PDCD2L: variants seen among roughly 807,000 people sequenced by gnomAD.
PDCD2L encodes uS5 assembly chaperone PDCD2L.
A neutral mutation model predicts 40.4 loss-of-function variants in PDCD2L; 44 were observed. That is an observed-to-expected ratio of 1.09 (90% confidence interval 0.86 to 1.40). The LOEUF is 1.40. Among genes scored for constraint, PDCD2L ranks in the 40% most tolerant of loss-of-function variants. The pLI, the probability that PDCD2L is intolerant of heterozygous loss-of-function variation, is 0.00. For synonymous variants in PDCD2L, 194 were observed against 174.6 expected, an observed-to-expected ratio of 1.11 and a Z score of -0.88; for missense variants, 470 against 453.7, an observed-to-expected ratio of 1.04 and a Z score of -0.33.
intron 3 of PDCD2L, among the ~76,000 whole-genome samples, chr19:34,405,701 G>C (rs1041933709): frequency 1.3e-5 from 2 of 150,732 alleles, no homozygotes; most frequent in African/African-American, 4.9e-5. Flanking sequence ...AGAAGTTCGA[G>C]ACCAGCCTGG....
In PDCD2L at chr19:34,421,651, CAA is replaced by C; in HGVS notation, c.931_932del (p.Lys311GlufsTer3). The C allele has an allele frequency of 6.2e-7, 1 of 1,613,110 alleles. No homozygotes were observed. Among genetic ancestry groups the C allele is most frequent in the Non-Finnish European group, 8.5e-7 (1 of 1,179,550 alleles). Reference protein sequence around the residue: ...QLMPALVSMLKSANLGLSVEF... With the variant: ...QLMPALVSMLXSANLGLSVEF... ...TTATGCCAGCACTGGTCAGCATGCT[CAA>C]GAGTGCTAATTTAGGTGAGAAGCCC... is the stretch of plus-strand genomic sequence containing the variant. On this transcript the variant is annotated frameshift_variant, in exon 6 of 7. Coordinates refer to ENST00000246535, the MANE Select transcript of PDCD2L (RefSeq NM_032346.2). LOFTEE classifies it high-confidence loss of function.
At chr19:34,413,231 G>C (rs977382101) in intron 4 of PDCD2L, among the ~76,000 whole-genome samples, 5 of 151,506 alleles carry the variant, frequency 3.3e-5, no homozygotes, top group African/African-American at 1.2e-4. Context: ...TTAGAGATGG[G>C]GTTTCAAGAT....
At chr19:34,411,127 AT>A (rs1457546568) in intron 4 of PDCD2L, among the ~76,000 whole-genome samples, 1 of 88,948 alleles carries the variant, frequency 1.1e-5, no homozygotes, top group East Asian at 3.4e-4. Flanking sequence ...GTATTTGCTT[AT>A]TTTTGGTGGG....
chr19:34,413,847 G>A lies in PDCD2L; in HGVS notation c.797G>A (p.Arg266Lys). Residue 266 changes from arginine to lysine, a missense_variant and splice_region_variant, in exon 5 of 7, where the codon AGG (arginine) becomes AAG (lysine). Transcript: ENST00000246535. Reference protein sequence around the residue: ...RIAACQEQILRYSWSGEPLFL... With the variant: ...RIAACQEQILKYSWSGEPLFL... ...GCTGCTTGTCAGGAGCAGATTTTGA[G>A]GTAAAAAAAGGCACAGTTCCTTTTA... 6.6e-7 allele frequency: 1 copy of A among 1,526,654 alleles called. No homozygotes were observed. The highest frequency in any genetic ancestry group is 9.0e-7 in the Non-Finnish European group (1 of 1,108,510). The allele number at this position is 1,526,654 out of a possible 1,614,324, so 94.6% of individuals were successfully genotyped here.
rs749796378 is a variant in PDCD2L at position 34,421,607 on chromosome 19, A to C, written c.886A>C (p.Arg296=). The C allele has an allele frequency of 6.2e-7, 1 of 1,614,132 alleles. No individual in the cohort carries two copies. The highest frequency in any genetic ancestry group is 1.1e-5 in the South Asian group (1 of 91,080). Residue 296 remains arginine, a synonymous_variant, in exon 6 of 7, where the codon AGG becomes CGG. Coordinates refer to ENST00000246535, the MANE Select transcript of PDCD2L (RefSeq NM_032346.2). ...AGCCTGCAGCCAGTGTGGAGGCCAA[A>C]GGATATTTGAGTTTCAGCTTATGCC... is the stretch of plus-strand genomic sequence containing the variant. ...LPACSQCGGQ[R]IFEFQLMPAL...
In PDCD2L at chr19:34,412,421, T is replaced by C. The variant is rs145814294; in HGVS notation, c.687-1316T>C. On this transcript the variant is annotated intron_variant, in intron 4 of 6. Transcript: ENST00000246535. ...ATGTACACAATTTAAATATCAAAAATATTTACTTGACAGTTTTTGGCTGAG... is the reference window on the plus strand; with the variant it reads ...ATGTACACAATTTAAATATCAAAAACATTTACTTGACAGTTTTTGGCTGAG... 2.6e-5 allele frequency among the ~76,000 whole-genome samples: 4 copies of C among 152,228 alleles called. No homozygotes were observed. The East Asian group carries it at 7.7e-4, about 29-fold the overall frequency.
intron 4 of PDCD2L, among the ~76,000 whole-genome samples, chr19:34,411,075 G>A (rs527858711): frequency 1.2e-4 from 18 of 151,448 alleles, no homozygotes; most frequent in African/African-American, 2.4e-4. Flanking sequence ...GAGCCACCGC[G>A]CCCGGCAGGA....
Position 34,421,642 on chromosome 19 carries a change from C to A in PDCD2L, c.921C>A (p.Val307=). 6.2e-7 allele frequency: 1 copy of A among 1,614,076 alleles called. No individual in the cohort carries two copies. The highest frequency in any genetic ancestry group is 1.1e-5 in the South Asian group (1 of 91,054). Residue 307 remains valine (V), a synonymous_variant, in exon 6 of 7, where the codon GTC becomes GTA. Coordinates refer to ENST00000246535, the MANE Select transcript of PDCD2L (RefSeq NM_032346.2). The part of the protein sequence containing the change: ...IFEFQLMPAL[V]SMLKSANLGL... ...AGTTTCAGCTTATGCCAGCACTGGTCAGCATGCTCAAGAGTGCTAATTTAG... is the reference window on the plus strand; with the variant it reads ...AGTTTCAGCTTATGCCAGCACTGGTAAGCATGCTCAAGAGTGCTAATTTAG...
Position 34,409,417 on chromosome 19 carries a change from A to G in PDCD2L, c.593A>G (p.Tyr198Cys). ...YYICVADEDD[Y>C]RDFVNLDHAH... ...ATCTGTGTTGCAGATGAGGATGATT[A>G]CAGGGACTTTGTCAACCTGGATCAT... is the stretch of plus-strand genomic sequence containing the variant. Residue 198 changes from tyrosine to cysteine, a missense_variant, in exon 4 of 7, where the codon TAC (tyrosine) becomes TGC (cysteine). By Grantham distance (194) the Tyr-to-Cys change is radical. Coordinates refer to ENST00000246535, the MANE Select transcript of PDCD2L (RefSeq NM_032346.2). The G allele has an allele frequency of 6.2e-7, 1 of 1,614,168 alleles. No individual in the cohort carries two copies. Among genetic ancestry groups the G allele is most frequent in the Non-Finnish European group, 8.5e-7 (1 of 1,180,034 alleles).
chr19:34,406,591 C>A (rs2075076927), intron 3 of PDCD2L, among the ~76,000 whole-genome samples: 1 of 151,862 alleles, frequency 6.6e-6, no homozygotes, highest in African/African-American at 2.4e-5. Context: ...CAGGGTTTCA[C>A]CATGTTAGCC....
intron 6 of PDCD2L, 101 bp from the exon 7 acceptor site, chr19:34,425,889 A>G: frequency 5.7e-6 from 7 of 1,223,578 alleles, no homozygotes; most frequent in Non-Finnish European, 1.1e-6. Flanking sequence ...TTTTTGCTTT[A>G]CCTAATTACT....
At chr19:34,414,100 T>A (rs1488945790) in intron 5 of PDCD2L, among the ~76,000 whole-genome samples, 1 of 152,178 alleles carries the variant, frequency 6.6e-6, no homozygotes, top group African/African-American at 2.4e-5. Flanking sequence ...TGCTGGTATT[T>A]GTAGGTGCTG....
chr19:34,421,356 A>G, intron 5 of PDCD2L, 163 bp from the exon 6 acceptor site: 1 of 772,948 alleles, frequency 1.3e-6, no homozygotes, highest in Non-Finnish European at 2.1e-6. Flanking sequence ...GAACACTGAC[A>G]AGATTTCCAG....
In PDCD2L at chr19:34,421,590, G is replaced by A. The variant is rs1568361431; in HGVS notation, c.869G>A (p.Ser290Asn). The A allele has an allele frequency of 6.2e-7, 1 of 1,614,142 alleles. No individual in the cohort carries two copies. The highest frequency in any genetic ancestry group is 1.1e-5 in the South Asian group (1 of 91,082). The change falls in exon 6 of 7, where the codon AGC becomes AAC. Residue 290 changes from serine (S) to asparagine (N), a missense_variant. Ser to Asn is a conservative substitution (Grantham distance 46, BLOSUM62 1). Coordinates refer to ENST00000246535, the MANE Select transcript of PDCD2L (RefSeq NM_032346.2). ...TSEVTELPAC[S>N]QCGGQRIFEF... ...GAAGTCACCGAGCTCCCAGCCTGCA[G>A]CCAGTGTGGAGGCCAAAGGATATTT...
chr19:34,421,433 CAAAG>C (rs1379523365), intron 5 of PDCD2L, 82 bp from the exon 6 acceptor site: 13 of 1,486,938 alleles, frequency 8.7e-6, no homozygotes, highest in Middle Eastern at 2.1e-4. Flanking sequence ...CTGCAAGAAA[CAAAG>C]AAAGGTTGCA....
chr19:34,415,003 G>A (rs577092076), intron 5 of PDCD2L, among the ~76,000 whole-genome samples: 15 of 151,954 alleles, frequency 9.9e-5, no homozygotes, highest in Admixed American at 2.0e-4. Flanking sequence ...TGATCATGTT[G>A]CCCAGTCTGC....
chr19:34,413,660 T>G, intron 4 of PDCD2L, 77 bp from the exon 5 acceptor site: 1 of 941,522 alleles, frequency 1.1e-6, no homozygotes, highest in African/African-American at 1.7e-5. Context: ...TAAAAGAAAA[T>G]TATCTTGTTT....
chr19:34,423,491 CTTT>C (rs547306985), intron 6 of PDCD2L, among the ~76,000 whole-genome samples: 2 of 113,070 alleles, frequency 1.8e-5, no homozygotes, highest in Non-Finnish European at 1.8e-5. Context: ...GACCCAGTAT[CTTT>C]TTTTTTTTTT....
At chr19:34,407,297 A>G (rs909494586) in intron 3 of PDCD2L, among the ~76,000 whole-genome samples, 2 of 152,078 alleles carry the variant, frequency 1.3e-5, no homozygotes, top group Admixed American at 6.6e-5. Flanking sequence ...ACACACCACC[A>G]TGCCCAGCTA....
Sources: allele counts gnomAD v4.1 joint callset (sites outside exome capture counted in the v4.1 genomes callset), GRCh38; gene constraint gnomAD v4.1.1; transcripts MANE v1.5; gene names NCBI Gene and HGNC (gene_info 2026-07-23, HGNC 2026-07-21).